The following TMEM132C variants were observed in gnomAD, a reference collection of about 807,000 sequenced individuals.
TMEM132C encodes the protein protein phosphatase 1, regulatory subunit 152.
Under a neutral mutation model 61.4 loss-of-function variants are expected in TMEM132C, and 29 were observed. That is an observed-to-expected ratio of 0.47 (90% CI 0.35 to 0.64). TMEM132C has a LOEUF of 0.64. Ranked by LOEUF, TMEM132C falls within the 30% of genes least tolerant of loss-of-function variation. TMEM132C has a pLI of 0.00. For synonymous variants in TMEM132C, 656 were observed against 633.1 expected, an observed-to-expected ratio of 1.04 and a Z score of -0.54; for missense variants, 1,408 against 1,476.9, an observed-to-expected ratio of 0.95 and a Z score of 0.76.
chr12:128,648,072 G>T (rs976760497), intron 4 of TMEM132C, among the ~76,000 whole-genome samples: 10 of 151,734 alleles, frequency 6.6e-5, no homozygotes, highest in Non-Finnish European at 1.5e-4. Context: ...CATTTGATGT[G>T]AGTGTGTTTA....
At chr12:128,703,814 G>A (rs150156935) in intron 8 of TMEM132C, among the ~76,000 whole-genome samples, 245 of 152,360 alleles carry the variant, frequency 1.6e-3, no homozygotes, top group African/African-American at 5.1e-3. Context: ...GAGAAAATGC[G>A]TTCTGTAATA....
intron 1 of TMEM132C, among the ~76,000 whole-genome samples, chr12:128,312,766 T>A (rs534147249): frequency 6.6e-6 from 1 of 152,168 alleles, no homozygotes; most frequent in Non-Finnish European, 1.5e-5. Flanking sequence ...TGTGAGAGGA[T>A]AAAGTTCTCT....
At chr12:128,539,460 C>CA (rs918033451) in intron 2 of TMEM132C, among the ~76,000 whole-genome samples, 7 of 151,932 alleles carry the variant, frequency 4.6e-5, no homozygotes, top group Admixed American at 1.3e-4. Flanking sequence ...ACTAAAAATA[C>CA]AAAAAAAATT....
At position 128,568,681 on chromosome 12, in the gene TMEM132C, T is replaced by C. The variant is rs148767762; in HGVS notation, c.1121+24578T>C. The stretch of plus-strand genomic sequence containing the variant: ...TAGCTCAGAATCTATGTTCTTAACC[T>C]CTCCTGATACTGACAAGGAGAGAAT... On this transcript the variant is annotated intron_variant, in intron 3 of 8. Coordinates refer to ENST00000435159, the MANE Select transcript of TMEM132C (RefSeq NM_001136103.3). 1.9e-3 allele frequency among the ~76,000 whole-genome samples: 286 copies of C among 152,044 alleles called. 2 individuals carry two copies. Among genetic ancestry groups the C allele is most frequent in the Non-Finnish European group, 3.2e-3 (217 of 67,972 alleles).
chr12:128,395,820 C>T (rs1874931071), intron 1 of TMEM132C, among the ~76,000 whole-genome samples: 1 of 123,012 alleles, frequency 8.1e-6, no homozygotes, highest in South Asian at 2.7e-4. Flanking sequence ...AATCTCCTGC[C>T]TAGACCTCCT....
At chr12:128,345,578 A>AT (rs1167667273) in intron 1 of TMEM132C, among the ~76,000 whole-genome samples, 1 of 151,988 alleles carries the variant, frequency 6.6e-6, no homozygotes, top group Non-Finnish European at 1.5e-5. Flanking sequence ...TCCGTCTGTT[A>AT]TTTTTTGACT....
intron 1 of TMEM132C, among the ~76,000 whole-genome samples, chr12:128,350,302 A>G (rs1401065227): frequency 6.6e-6 from 1 of 151,998 alleles, no homozygotes; most frequent in Non-Finnish European, 1.5e-5. Context: ...GCGGGACTAG[A>G]TGGCAAGTTA....
chr12:128,540,286 G>A (rs558005347), intron 2 of TMEM132C, among the ~76,000 whole-genome samples: 27 of 152,030 alleles, frequency 1.8e-4, no homozygotes, highest in Non-Finnish European at 3.4e-4. Flanking sequence ...ACAGAGTTTC[G>A]CTCTGTCACC....
At chr12:128,388,364 A>G (rs1168880225) in intron 1 of TMEM132C, among the ~76,000 whole-genome samples, 1 of 152,256 alleles carries the variant, frequency 6.6e-6, no homozygotes, top group African/African-American at 2.4e-5. Context: ...TTTCTAAAGA[A>G]ACTAAGAATC....
Position 128,278,683 on chromosome 12 carries a change from A to T in TMEM132C, c.85+11196A>T, listed in dbSNP as rs1870772644. The stretch of plus-strand genomic sequence containing the variant: ...GTGGTCAGGGTGTCCATGATGACTA[A>T]GTTTTTGTCTTAACTTGTGTGGGCC... On this transcript the variant is annotated intron_variant, in intron 1 of 8. Coordinates refer to ENST00000435159, the MANE Select transcript of TMEM132C (RefSeq NM_001136103.3). This position sits in a 1 kb window ranked among gnomAD's most constrained non-coding sequence, Gnocchi z 4.2. Among the ~76,000 whole-genome samples the T allele has an allele frequency of 6.7e-6, 1 of 149,546 alleles. No homozygotes were observed. Among genetic ancestry groups the T allele is most frequent in the African/African-American group, 2.5e-5 (1 of 40,356 alleles).
chr12:128,388,227 G>T (rs2135997170), intron 1 of TMEM132C, among the ~76,000 whole-genome samples: 1 of 152,344 alleles, frequency 6.6e-6, no homozygotes, highest in Non-Finnish European at 1.5e-5. Context: ...GCCAGGCAGG[G>T]CTGGAATGCC....
At chr12:128,272,018 G>C (rs1211889132) in intron 1 of TMEM132C, among the ~76,000 whole-genome samples, 1 of 152,194 alleles carries the variant, frequency 6.6e-6, no homozygotes, top group Non-Finnish European at 1.5e-5. Context: ...CATCTACTTT[G>C]TTTAAAAGCC....
chr12:128,420,979 A>G (rs1868966979), intron 2 of TMEM132C, among the ~76,000 whole-genome samples: 1 of 152,234 alleles, frequency 6.6e-6, no homozygotes, highest in African/African-American at 2.4e-5. Flanking sequence ...AGTCTCGCTG[A>G]AGTTTGGGAA....
In TMEM132C at chr12:128,626,016, C is replaced by G. The variant is rs533514125; in HGVS notation, c.1305+9681C>G. ...CATGAAATACCTTCTATATTCTTCA[C>G]TGCTTTGAAAGTAAAGCACTACATC... On this transcript the variant is annotated intron_variant, in intron 4 of 8. Transcript: ENST00000435159. 3.3e-5 allele frequency among the ~76,000 whole-genome samples: 5 copies of G among 152,262 alleles called. No individual in the cohort carries two copies. The South Asian group carries it at 1.0e-3, about 32-fold the overall frequency.
intron 5 of TMEM132C, among the ~76,000 whole-genome samples, chr12:128,674,358 G>A (rs1343986675): frequency 6.6e-6 from 1 of 152,204 alleles, no homozygotes; most frequent in Non-Finnish European, 1.5e-5. Flanking sequence ...CATTCACTCA[G>A]TTGGGTTGTT....
At position 128,573,177 on chromosome 12, in the gene TMEM132C, C is replaced by G. The variant is rs1172774632; in HGVS notation, c.1121+29074C>G. ...TATATGTTTATTGTGGCACTACTCA[C>G]AATAGCAAAGACTTGGAACCAACCC... On this transcript the variant is annotated intron_variant, in intron 3 of 8. Transcript: ENST00000435159. 3.3e-5 allele frequency among the ~76,000 whole-genome samples: 5 copies of G among 152,128 alleles called. No individual in the cohort carries two copies. In the South Asian group the frequency reaches 1.0e-3, roughly 31 times the overall value.
At chr12:128,457,418 T>C (rs1870382812) in intron 2 of TMEM132C, among the ~76,000 whole-genome samples, 3 of 148,860 alleles carry the variant, frequency 2.0e-5, no homozygotes, top group African/African-American at 7.5e-5. Flanking sequence ...CTAAAAAAAA[T>C]ACAAAAAATT....
At chr12:128,634,184 C>G (rs1023951623) in intron 4 of TMEM132C, among the ~76,000 whole-genome samples, 5 of 152,218 alleles carry the variant, frequency 3.3e-5, no homozygotes, top group Admixed American at 3.3e-4. Context: ...AGTGATCCTC[C>G]TGCCTCAGCC....
intron 2 of TMEM132C, among the ~76,000 whole-genome samples, chr12:128,440,216 T>C (rs1295418493): frequency 6.6e-6 from 1 of 152,256 alleles, no homozygotes; most frequent in Admixed American, 6.5e-5. Context: ...TAGTGGCTTC[T>C]GGCTATATCA....
Sources: allele counts gnomAD v4.1 joint callset (sites outside exome capture counted in the v4.1 genomes callset), GRCh38; gene constraint gnomAD v4.1.1; non-coding constraint Gnocchi (gnomAD v3.1); transcripts MANE v1.5; gene names NCBI Gene and HGNC (gene_info 2026-07-23, HGNC 2026-07-21).